SIPA1L3: variants seen among roughly 807,000 people sequenced by gnomAD.
The protein encoded by SIPA1L3 is signal-induced proliferation-associated 1-like protein 3.
A neutral mutation model predicts 150.1 loss-of-function variants in SIPA1L3; 59 were observed. The ratio of observed to expected loss-of-function variants is 0.39; its 90% confidence interval spans 0.32 to 0.49. SIPA1L3 has a LOEUF of 0.49. Among genes scored for constraint, SIPA1L3 ranks in the 20% least tolerant of loss-of-function variants. The pLI, the probability that SIPA1L3 is intolerant of heterozygous loss-of-function variation, is 0.86. For missense variants in SIPA1L3, 2,211 were observed against 2,489.5 expected (o/e 0.89, Z 2.38); for synonymous variants, 1,070 against 1,077.6 (o/e 0.99, Z 0.14).
rs148698596 is a variant in SIPA1L3 at position 38,180,057 on chromosome 19, G to A, written c.4209-2462G>A. Among the ~76,000 whole-genome samples, 335 of 152,170 alleles carry A rather than the reference G, an allele frequency of 2.2e-3. 1 individual carries two copies. The highest frequency in any genetic ancestry group is 7.3e-3 in the African/African-American group (305 of 41,534). ...GGTTTCACCATATTGGCCAGGCTGC[G>A]AGCTCTCCTGACAGGCGATCCACCT... On this transcript the variant is annotated intron_variant, in intron 15 of 21. Coordinates refer to ENST00000222345, the MANE Select transcript of SIPA1L3 (RefSeq NM_015073.3).
intron 6 of SIPA1L3, among the ~76,000 whole-genome samples, chr19:38,103,603 G>A (rs1244821795): frequency 6.6e-6 from 1 of 151,006 alleles, no homozygotes; most frequent in Non-Finnish European, 1.5e-5. Context: ...ACTCGAGCCT[G>A]GGCAACAAGA....
In SIPA1L3 at chr19:38,141,229, G is replaced by T. The variant is rs775854055; in HGVS notation, c.3189G>T (p.Thr1063=). The change falls in exon 11 of 22, where the codon ACG becomes ACT. Residue 1063 remains threonine, a synonymous_variant. Coordinates refer to ENST00000222345, the MANE Select transcript of SIPA1L3 (RefSeq NM_015073.3). ...TYDMNTSEPK[T]EQESITPGGR... Reference sequence around the variant, plus strand: ...ACATGAATACCTCGGAGCCCAAGACGGAGCAGGAAAGCATCACTCCTGGGG... The same window carrying T: ...ACATGAATACCTCGGAGCCCAAGACTGAGCAGGAAAGCATCACTCCTGGGG... 6 of 1,612,926 alleles carry T rather than the reference G, an allele frequency of 3.7e-6. No individual in the cohort carries two copies. The Admixed American group carries it at 6.7e-5, about 18-fold the overall frequency.
At chr19:38,071,264 T>TCTGC (rs1969718051) in intron 2 of SIPA1L3, among the ~76,000 whole-genome samples, 1 of 142,410 alleles carries the variant, frequency 7.0e-6, no homozygotes, top group South Asian at 2.2e-4. Context: ...TATCTATCTA[T>TCTGC]CTGCCTGCCT....
In SIPA1L3 at chr19:38,081,813, TG is replaced by T; in HGVS notation, c.250del (p.Ala84ProfsTer10). The stretch of plus-strand genomic sequence containing the variant: ...CCCAAGATGGGCGTGCGCGCAAGGG[TG>T]GCCGACTGGCCGCCCAAGCGGGAGG... ...AMPKMGVRAR[V>X]ADWPPKREAL... On this transcript the variant is annotated frameshift_variant, in exon 3 of 22. Transcript: ENST00000222345. LOFTEE classifies it high-confidence loss of function. 6.2e-7 allele frequency: 1 copy of T among 1,612,896 alleles called. No individual in the cohort carries two copies. Among genetic ancestry groups the T allele is most frequent in the Non-Finnish European group, 8.5e-7 (1 of 1,179,712 alleles).
chr19:38,010,148 C>A (rs1968061977), intron 1 of SIPA1L3, among the ~76,000 whole-genome samples: 1 of 152,186 alleles, frequency 6.6e-6, no homozygotes, highest in Admixed American at 6.5e-5. Context: ...GGCCTGTGAT[C>A]TCAGCACTTG....
intron 1 of SIPA1L3, among the ~76,000 whole-genome samples, chr19:37,967,798 T>G (rs1359221566): frequency 6.6e-6 from 1 of 152,192 alleles, no homozygotes; most frequent in Admixed American, 6.6e-5. Context: ...ATTTATTTAT[T>G]TAGAGACTGG....
chr19:38,153,380 G>A (rs931621771), intron 13 of SIPA1L3, among the ~76,000 whole-genome samples: 2 of 152,114 alleles, frequency 1.3e-5, no homozygotes, highest in African/African-American at 4.8e-5. Flanking sequence ...CATGTTAAGA[G>A]CCCACATGGC....
chr19:38,158,107 C>T (rs1971990395), intron 13 of SIPA1L3, among the ~76,000 whole-genome samples: 1 of 152,056 alleles, frequency 6.6e-6, no homozygotes, highest in Non-Finnish European at 1.5e-5. Context: ...GTGGCGGGCA[C>T]CTGTAATCCC....
chr19:37,963,491 C>T (rs2046877501), intron 1 of SIPA1L3, among the ~76,000 whole-genome samples: 1 of 152,242 alleles, frequency 6.6e-6, no homozygotes, highest in African/African-American at 2.4e-5. Context: ...ATTTGTTTGG[C>T]ACTAGGCCCC....
At chr19:38,060,135 G>A (rs1969415705) in intron 2 of SIPA1L3, among the ~76,000 whole-genome samples, 1 of 152,186 alleles carries the variant, frequency 6.6e-6, no homozygotes, top group African/African-American at 2.4e-5. Context: ...TCCTGGCATT[G>A]TGAAAGCTGT....
At chr19:38,027,214 G>A (rs1449685722) in intron 1 of SIPA1L3, among the ~76,000 whole-genome samples, 1 of 152,144 alleles carries the variant, frequency 6.6e-6, no homozygotes, top group Admixed American at 6.5e-5. Flanking sequence ...CTTGAGTCTG[G>A]GAGGCAGAGG....
rs1972855209 is a variant in SIPA1L3, at chr19:38,193,684, A to G, written c.4744A>G (p.Ser1582Gly). 1 of 1,576,736 alleles carries G rather than the reference A, an allele frequency of 6.3e-7. No individual in the cohort carries two copies. The highest frequency in any genetic ancestry group is 1.4e-5 in the African/African-American group (1 of 73,710). Reference sequence around the variant, plus strand: ...CACCAGCACCTGCGCCTTCCCGTCCAGCACGCTGCCTGCACGCCGCCAGCA... The same window carrying G: ...CACCAGCACCTGCGCCTTCCCGTCCGGCACGCTGCCTGCACGCCGCCAGCA... ...LFTSTCAFPS[S>G]TLPARRQHQH... The change falls in exon 18 of 22, where the codon AGC becomes GGC. Residue 1582 changes from serine (S) to glycine (G), a missense_variant. Ser to Gly is a moderately conservative substitution (Grantham distance 56). Around this residue, in one of 5 missense-constraint regions of SIPA1L3, gnomAD observed 806 missense variants for 870.1 expected, o/e 0.93. Coordinates refer to ENST00000222345, the MANE Select transcript of SIPA1L3 (RefSeq NM_015073.3).
intron 1 of SIPA1L3, among the ~76,000 whole-genome samples, chr19:37,920,437 A>G (rs972683376): frequency 1.3e-5 from 2 of 152,198 alleles, no homozygotes; most frequent in African/African-American, 4.8e-5. Flanking sequence ...TTCCTTCAAA[A>G]TAATATAGAC....
At chr19:38,138,910 A>AAAAAAAAAAAAAC (rs1343348254) in intron 10 of SIPA1L3, among the ~76,000 whole-genome samples, 4 of 112,850 alleles carry the variant, frequency 3.5e-5, no homozygotes, top group East Asian at 2.5e-4. Flanking sequence ...AAAAAAAAAA[A>AAAAAAAAAAAAAC]AAAAACTGAG....
intron 1 of SIPA1L3, among the ~76,000 whole-genome samples, chr19:37,984,107 G>A (rs1388541980): frequency 6.6e-6 from 1 of 152,178 alleles, no homozygotes; most frequent in Non-Finnish European, 1.5e-5. Context: ...ACTTTTTGCA[G>A]ATGCGCTGTC....
At chr19:38,141,681 G>A (rs185967131) in intron 11 of SIPA1L3, among the ~76,000 whole-genome samples, 26 of 152,258 alleles carry the variant, frequency 1.7e-4, no homozygotes, top group Admixed American at 1.5e-3. Flanking sequence ...CTAAGTAGAC[G>A]ACTGAAGCTC....
chr19:38,119,346 C>G lies in SIPA1L3; in HGVS notation c.2332C>G (p.Pro778Ala), dbSNP rs371377421. 1.7e-5 allele frequency: 27 copies of G among 1,614,050 alleles called. No homozygotes were observed. Among genetic ancestry groups the G allele is most frequent in the African/African-American group, 4.0e-5 (3 of 74,930 alleles). ...TRSKDAPPFG[P>A]PIPSGTTFRK... ...ATCCAAAGACGCTCCTCCTTTCGGCCCCCCCATCCCCAGTGGAACCACATT... is the reference window on the plus strand; with the variant it reads ...ATCCAAAGACGCTCCTCCTTTCGGCGCCCCCATCCCCAGTGGAACCACATT... Residue 778 changes from proline (P) to alanine (A), a missense_variant, in exon 9 of 22, where the codon CCC becomes GCC. Pro to Ala is a conservative substitution (Grantham distance 27, BLOSUM62 -1). Around this residue, in one of 5 missense-constraint regions of SIPA1L3, gnomAD observed 625 missense variants for 804.2 expected, o/e 0.78. Coordinates refer to ENST00000222345, the MANE Select transcript of SIPA1L3 (RefSeq NM_015073.3).
At chr19:38,138,284 A>C (rs568785732) in intron 10 of SIPA1L3, among the ~76,000 whole-genome samples, 33 of 152,216 alleles carry the variant, frequency 2.2e-4, no homozygotes, top group African/African-American at 6.5e-4. Flanking sequence ...TTTAAATCCA[A>C]CTTCTACTTC....
intron 1 of SIPA1L3, among the ~76,000 whole-genome samples, chr19:37,939,764 A>G (rs2046636229): frequency 6.6e-6 from 1 of 152,258 alleles, no homozygotes; most frequent in Non-Finnish European, 1.5e-5. Flanking sequence ...TTTATTTCCC[A>G]TGGCCTTATT....
Sources: allele counts gnomAD v4.1 joint callset (sites outside exome capture counted in the v4.1 genomes callset), GRCh38; gene constraint gnomAD v4.1.1; regional missense constraint gnomAD v4.1.1; transcripts MANE v1.5; gene names NCBI Gene and HGNC (gene_info 2026-07-23, HGNC 2026-07-21).